Variants in C4BPA observed in about 807,000 individuals in gnomAD.
C4BPA encodes the protein complement component 4 binding protein alpha.
In C4BPA, 31 loss-of-function variants were observed where a neutral mutation model predicts 63.7. That is an observed-to-expected ratio of 0.49 (90% CI 0.37 to 0.66). The LOEUF (loss-of-function observed/expected upper bound fraction) is 0.66. C4BPA is among the 30% of genes least tolerant of loss of function. The pLI is 0.00. For missense variants in C4BPA, 572 were observed against 723.3 expected (o/e 0.79, Z 2.40); for synonymous variants, 259 against 254.7 (o/e 1.02, Z -0.16).
At position 207,134,519 on chromosome 1, in the gene C4BPA, T is replaced by C; in HGVS notation, c.1200T>C (p.His400=). 6.2e-7 allele frequency: 1 copy of C among 1,613,176 alleles called. No homozygotes were observed. The highest frequency in any genetic ancestry group is 8.5e-7 in the Non-Finnish European group (1 of 1,179,130). ...FYGDEISFSC[H]ETSRFSAICQ... is the part of the protein sequence containing the mutation. ...GAGATGAGATTTCATTTTCATGTCA[T>C]GAGACCAGTAGGTTTTCAGCTATAT... The change falls in exon 9 of 12, where the codon CAT becomes CAC. Residue 400 remains histidine (H), a synonymous_variant. Transcript: ENST00000367070.
intron 10 of C4BPA, 53 bp downstream of exon 10, chr1:207,141,329 G>C: frequency 7.3e-7 from 1 of 1,370,270 alleles, no homozygotes; most frequent in South Asian, 1.3e-5. Flanking sequence ...CGTGTCCTGA[G>C]AGCACTGAGA....
chr1:207,109,122 A>C (rs2102327686), intron 1 of C4BPA, among the ~76,000 whole-genome samples: 1 of 152,332 alleles, frequency 6.6e-6, no homozygotes, highest in South Asian at 2.1e-4. Flanking sequence ...GGACAGCCCC[A>C]GAGGCCCCAG....
chr1:207,128,877 C>T lies in C4BPA; in HGVS notation c.889+1982C>T, dbSNP rs145695636. 3.6e-3 allele frequency among the ~76,000 whole-genome samples: 543 copies of T among 152,086 alleles called. 8 individuals carry two copies. Among genetic ancestry groups the T allele is most frequent in the African/African-American group, 0.012 (505 of 41,510 alleles). On this transcript the variant is annotated intron_variant, in intron 7 of 11. Coordinates refer to ENST00000367070, the MANE Select transcript of C4BPA (RefSeq NM_000715.4). ...GTTCTGTTTTCAAAAAAAAAATTGT[C>T]AGATGTGCAAAGAAACAGGAAAGAG...
At chr1:207,113,804 G>A (rs893979692) in intron 2 of C4BPA, among the ~76,000 whole-genome samples, 14 of 152,080 alleles carry the variant, frequency 9.2e-5, no homozygotes, top group African/African-American at 3.1e-4. Context: ...TGAAGTTCAT[G>A]TCTTTCTTCT....
chr1:207,143,875 AT>A lies in C4BPA; in HGVS notation c.1503del (p.Tyr501Ter). 6.2e-7 allele frequency: 1 copy of A among 1,613,482 alleles called. No homozygotes were observed. The highest frequency in any genetic ancestry group is 8.5e-7 in the Non-Finnish European group (1 of 1,179,562). The stretch of plus-strand genomic sequence containing the variant: ...AGGTTGTCTGTGGATAAGGATCAGT[AT>A]GTTGAGCCTGAAAATGTCACCATCC... ...NGRLSVDKDQ[Y>X]VEPENVTIQC... On this transcript the variant is annotated frameshift_variant, in exon 11 of 12. Transcript: ENST00000367070. LOFTEE classifies it high-confidence loss of function.
chr1:207,125,732 G>T (rs1685025642), intron 6 of C4BPA, among the ~76,000 whole-genome samples: 1 of 152,142 alleles, frequency 6.6e-6, no homozygotes, highest in Non-Finnish European at 1.5e-5. Context: ...CTGTGAGAAA[G>T]AAATTTCCAT....
At chr1:207,135,875 A>C (rs1338369214) in intron 9 of C4BPA, among the ~76,000 whole-genome samples, 1 of 152,156 alleles carries the variant, frequency 6.6e-6, no homozygotes, top group Non-Finnish European at 1.5e-5. Context: ...GGTCCCAACA[A>C]CACACCTTCT....
intron 1 of C4BPA, among the ~76,000 whole-genome samples, chr1:207,112,350 G>GTTT (rs61668698): frequency 7.9e-5 from 9 of 114,166 alleles, no homozygotes; most frequent in Non-Finnish European, 1.3e-4. Flanking sequence ...CTGCCTTTTT[G>GTTT]TTTTTTTTTT....
chr1:207,134,347 A>G (rs1329701304), intron 8 of C4BPA, 57 bp from the exon 9 acceptor site: 19 of 1,296,760 alleles, frequency 1.5e-5, no homozygotes, highest in South Asian at 9.3e-5. Flanking sequence ...GTTGTTAGCC[A>G]TAGAAGCTTC....
chr1:207,124,190 C>A lies in C4BPA; in HGVS notation c.530C>A (p.Pro177His). 6.2e-7 allele frequency: 1 copy of A among 1,613,612 alleles called. No homozygotes were observed. The highest frequency in any genetic ancestry group is 1.1e-5 in the South Asian group (1 of 91,066). ...LPQCEIVKCK[P>H]PPDIRNGRHS... ...CTTACCTCAGTTGTCAAGTGTAAGC[C>A]TCCTCCAGACATCAGGAATGGAAGG... The change falls in exon 6 of 12, where the codon CCT becomes CAT. Residue 177 changes from proline (P) to histidine (H), a missense_variant. This residue lies in a region of C4BPA where 465 missense variants were observed against 629.4 expected (regional missense o/e 0.74). Transcript: ENST00000367070.
chr1:207,104,813 G>A (rs1684526571), intron 1 of C4BPA, among the ~76,000 whole-genome samples: 1 of 152,162 alleles, frequency 6.6e-6, no homozygotes. Flanking sequence ...TTCACAGGAA[G>A]CTTGCTTTTC....
chr1:207,112,885 T>C, intron 1 of C4BPA, 116 bp from the exon 2 acceptor site: 3 of 989,322 alleles, frequency 3.0e-6, no homozygotes, highest in Non-Finnish European at 4.2e-6. Context: ...TTTTTTGTTT[T>C]GTTTCCACTC....
At chr1:207,137,168 A>G (rs750571638) in intron 9 of C4BPA, among the ~76,000 whole-genome samples, 2 of 152,208 alleles carry the variant, frequency 1.3e-5, no homozygotes, top group Admixed American at 6.5e-5. Flanking sequence ...CCTAGTGTCA[A>G]TTTGATTTCT....
At chr1:207,111,771 A>C (rs1032025633) in intron 1 of C4BPA, among the ~76,000 whole-genome samples, 12 of 152,140 alleles carry the variant, frequency 7.9e-5, no homozygotes, top group African/African-American at 2.7e-4. Flanking sequence ...CCTTTACCTA[A>C]ATGTATATGG....
At chr1:207,131,390 T>C (rs1463442387) in intron 7 of C4BPA, among the ~76,000 whole-genome samples, 156 bp from the exon 8 acceptor site, 1 of 152,240 alleles carries the variant, frequency 6.6e-6, no homozygotes, top group Admixed American at 6.5e-5. Flanking sequence ...CGAATGTCCA[T>C]GTGTGTTTTC....
At chr1:207,109,399 A>C (rs1684622316) in intron 1 of C4BPA, among the ~76,000 whole-genome samples, 1 of 152,212 alleles carries the variant, frequency 6.6e-6, no homozygotes, top group African/African-American at 2.4e-5. Context: ...AATGTTTACT[A>C]TGTGCTGTCC....
Position 207,112,991 on chromosome 1 carries a change from C to G in C4BPA, c.-25-10C>G. On this transcript the variant is annotated splice_polypyrimidine_tract_variant and intron_variant, in intron 1 of 11. Coordinates refer to ENST00000367070, the MANE Select transcript of C4BPA (RefSeq NM_000715.4). ...CAATGACTATTTATTAAATTGAGTTCTTTCAGCAGAAAAACATCAGCGAAG... is the reference window on the plus strand; with the variant it reads ...CAATGACTATTTATTAAATTGAGTTGTTTCAGCAGAAAAACATCAGCGAAG... 1 of 1,550,350 alleles carries G rather than the reference C, an allele frequency of 6.5e-7. No individual in the cohort carries two copies. The highest frequency in any genetic ancestry group is 1.2e-5 in the South Asian group (1 of 80,420).
At chr1:207,130,417 A>T (rs1336523721) in intron 7 of C4BPA, among the ~76,000 whole-genome samples, 1 of 152,198 alleles carries the variant, frequency 6.6e-6, no homozygotes, top group Non-Finnish European at 1.5e-5. Context: ...TTAACCATGG[A>T]GTTACCATAT....
Position 207,104,342 on chromosome 1 carries a change from A to C in C4BPA, c.-114A>C, listed in dbSNP as rs894202475. On this transcript the variant is annotated 5_prime_UTR_variant, in exon 1 of 12. Coordinates refer to ENST00000367070, the MANE Select transcript of C4BPA (RefSeq NM_000715.4). ...ATAAACTCTGATCTGGGGAGGAACC[A>C]GGACTACATAGATCAAGGCAGTTTT... 3.3e-5 allele frequency: 5 copies of C among 152,356 alleles called. No individual in the cohort carries two copies. The East Asian group carries it at 9.6e-4, about 29-fold the overall frequency. 9.4% of individuals were successfully genotyped at this position (152,356 alleles called of 1,614,324 possible). A position where few individuals can be genotyped will look rare whatever the true frequency, so the allele number is the denominator to read the frequency against.
Sources: allele counts gnomAD v4.1 joint callset (sites outside exome capture counted in the v4.1 genomes callset), GRCh38; gene constraint gnomAD v4.1.1; regional missense constraint gnomAD v4.1.1; transcripts MANE v1.5; gene names NCBI Gene and HGNC (gene_info 2026-07-23, HGNC 2026-07-21).